The following DDX5 variants were observed in gnomAD, a reference collection of about 807,000 sequenced individuals.
The protein encoded by DDX5 is DEAD-box helicase 5, also known as probable ATP-dependent RNA helicase DDX5.
In DDX5, 6 loss-of-function variants were observed where a neutral mutation model predicts 68.6. The observed-to-expected ratio is 0.09, with a 90% CI of 0.05 to 0.17. The LOEUF (loss-of-function observed/expected upper bound fraction) is 0.17. Ranked by LOEUF, DDX5 falls within the 10% of genes least tolerant of loss-of-function variation. The pLI, the probability that DDX5 is intolerant of heterozygous loss-of-function variation, is 1.00. For missense variants in DDX5, 499 were observed against 756.1 expected, an observed-to-expected ratio of 0.66 and a Z score of 3.99; for synonymous variants, 350 against 247.0, an observed-to-expected ratio of 1.42 and a Z score of -3.91.
rs782615351 is a variant in DDX5, at chr17:64,502,907, CAG to C, written c.983+17_983+18del. On this transcript the variant is annotated intron_variant, in intron 8 of 12. Coordinates refer to ENST00000225792, the MANE Select transcript of DDX5 (RefSeq NM_004396.5). ...CAAAGTTGTTAGGAAGCAAATATAA[CAG>C]AGTTAATAAAACTTACTTTTCATCC... 8.3e-6 allele frequency: 13 copies of C among 1,559,358 alleles called. No homozygotes were observed. Among genetic ancestry groups the C allele is most frequent in the Admixed American group, 5.8e-5 (3 of 51,462 alleles).
Position 64,504,982 on chromosome 17 carries a change from A to C in DDX5, c.45-140T>G, listed in dbSNP as rs542345581. 21 of 667,830 alleles carry C rather than the reference A, an allele frequency of 3.1e-5. No individual in the cohort carries two copies. In the East Asian group the frequency reaches 4.5e-4, roughly 14 times the overall value. The allele number at this position is 667,830 out of a possible 1,614,324, so 41.4% of individuals were successfully genotyped here. The stretch of plus-strand genomic sequence containing the variant: ...AAACCTAGCACTGTCCTTCGTGAAA[A>C]TCTCTCTCTCTCTCAACAGCCACAG... On this transcript the variant is annotated intron_variant, in intron 1 of 12. Transcript: ENST00000225792.
intron 1 of DDX5, 48 bp downstream of exon 1, chr17:64,506,028 T>TCCCCCCCCCCCCCCCC: frequency 3.2e-6 from 2 of 632,800 alleles, no homozygotes; most frequent in Non-Finnish European, 4.4e-6. Context: ...TGACCCGCCC[T>TCCCCCCCCCCCCCCCC]CCCATCCCCC....
chr17:64,506,426 C>T, upstream of DDX5: 1 of 1,373,124 alleles, frequency 7.3e-7, no homozygotes, highest in Non-Finnish European at 9.4e-7. Context: ...TCCAGGATCG[C>T]CGCGCTTTCA....
At position 64,502,678 on chromosome 17, in the gene DDX5, A is replaced by G. The variant is rs2038328812; in HGVS notation, c.984-129T>C. The G allele has an allele frequency of 2.1e-5, 16 of 760,624 alleles. No individual in the cohort carries two copies. The East Asian group carries it at 4.2e-4, about 20-fold the overall frequency. 47.1% of individuals were successfully genotyped at this position (760,624 alleles called of 1,614,324 possible). ...GAAGTCAAAGAGGAAACGCCTGCTA[A>G]TCCACTTATCGAGCAGTTCGACCCT... On this transcript the variant is annotated intron_variant, in intron 8 of 12. Transcript: ENST00000225792.
At chr17:64,502,647 T>C (rs1026440541) in intron 8 of DDX5, 98 bp from the exon 9 acceptor site, 11 of 921,742 alleles carry the variant, frequency 1.2e-5, no homozygotes, top group Admixed American at 2.4e-5. Flanking sequence ...TCAATTTACA[T>C]GGCTGGAAGT....
In DDX5 at chr17:64,506,201, C is replaced by G. The variant is rs559762261; in HGVS notation, c.-82G>C. 1 of 1,568,922 alleles carries G rather than the reference C, an allele frequency of 6.4e-7. No individual in the cohort carries two copies. The highest frequency in any genetic ancestry group is 1.3e-5 in the African/African-American group (1 of 74,216). On this transcript the variant is annotated 5_prime_UTR_variant, in exon 1 of 13. Transcript: ENST00000225792. ...TCGCTGGAAATGGCCTCGATGACGG[C>G]GAAGCCTTGCGGGGGCGGCAGCGGA...
At position 64,500,971 on chromosome 17, in the gene DDX5, A is replaced by G. The variant is rs8075302; in HGVS notation, c.1217-198T>C. The G allele has an allele frequency of 3.6e-3, 2,146 of 592,570 alleles. 26 individuals are homozygous for G. Among genetic ancestry groups the G allele is most frequent in the African/African-American group, 0.032 (1,730 of 53,834 alleles). 36.7% of individuals were successfully genotyped at this position (592,570 alleles called of 1,614,324 possible). A position where few individuals can be genotyped will look rare whatever the true frequency, so the allele number is the denominator to read the frequency against. On this transcript the variant is annotated intron_variant, in intron 11 of 12. Transcript: ENST00000225792. ...AGAAAAAAAAGCACATGTCATCTGT[A>G]TAATTCATCACCCACCCAGTGACAG...
In DDX5 at chr17:64,504,810, G is replaced by A. The variant is rs1459375270; in HGVS notation, c.77C>T (p.Ala26Val). Reference protein sequence around the residue: ...FGAPRFGGSRAGPLSGKKFGN... With the variant: ...FGAPRFGGSRVGPLSGKKFGN... Reference sequence around the variant, plus strand: ...AAACTTCTTTCCAGATAAGGGCCCTGCCCTACTTCCTCCAAATCGAGGTGC... The same window carrying A: ...AAACTTCTTTCCAGATAAGGGCCCTACCCTACTTCCTCCAAATCGAGGTGC... Residue 26 changes from alanine to valine, a missense_variant, in exon 2 of 13, where the codon GCA becomes GTA. Ala to Val is a moderately conservative substitution (Grantham distance 64). This residue lies in a region of DDX5 where 140 missense variants were observed against 135.7 expected (regional missense o/e 1.03). Transcript: ENST00000225792. 5 of 1,604,264 alleles carry A rather than the reference G, an allele frequency of 3.1e-6. No individual in the cohort carries two copies. The highest frequency in any genetic ancestry group is 2.3e-5 in the South Asian group (2 of 88,862).
chr17:64,503,087 T>C lies in DDX5; in HGVS notation c.822A>G (p.Gln274=), dbSNP rs782376871. 7.9e-5 allele frequency: 128 copies of C among 1,613,404 alleles called. No individual in the cohort carries two copies. Among genetic ancestry groups the C allele is most frequent in the Non-Finnish European group, 1.0e-4 (120 of 1,179,684 alleles). ...GCCAAGTCGCACTCCACATTAGAGT[T>C]TGCCTATCAGGCTAATGGATTTTGG... ...KIVDQIRPDR[Q]TLMWSATWPK... is the part of the protein sequence containing the mutation. Residue 274 remains glutamine (Q), a synonymous_variant, in exon 8 of 13, where the codon CAA becomes CAG. Transcript: ENST00000225792.
rs568238185 is a variant in DDX5 at position 64,506,257 on chromosome 17, G to C, written c.-138C>G. On this transcript the variant is annotated 5_prime_UTR_variant, in exon 1 of 13. Coordinates refer to ENST00000225792, the MANE Select transcript of DDX5 (RefSeq NM_004396.5). ...GACACCGATGACACCAGCCGAAGCT[G>C]CACTACTAGAGACCGGTAGAAATGA... 2.3e-5 allele frequency: 36 copies of C among 1,545,788 alleles called. No individual in the cohort carries two copies. The highest frequency in any genetic ancestry group is 2.8e-5 in the Non-Finnish European group (32 of 1,146,408).
Position 64,500,204 on chromosome 17 carries a change from G to A in DDX5, c.1564C>T (p.Leu522Phe), listed in dbSNP as rs1555670777. Reference sequence around the variant, plus strand: ...GTTTTTGCCCCAAAATCTCTTTTAAGCAGGCTAGAGTAACCTCTGTCATAA... The same window carrying A: ...GTTTTTGCCCCAAAATCTCTTTTAAACAGGCTAGAGTAACCTCTGTCATAA... ...ENYDRGYSSL[L>F]KRDFGAKTQN... is the part of the protein sequence containing the mutation. The change falls in exon 13 of 13, where the codon CTT becomes TTT. Residue 522 changes from leucine to phenylalanine, a missense_variant. Transcript: ENST00000225792. 6.2e-7 allele frequency: 1 copy of A among 1,614,142 alleles called. No individual in the cohort carries two copies.
upstream of DDX5, chr17:64,506,293 G>C (rs574974369): frequency 2.0e-6 from 3 of 1,522,850 alleles, no homozygotes; most frequent in Non-Finnish European, 1.8e-6. Flanking sequence ...ATGAGGTGCC[G>C]GCCGCTTTCC....
chr17:64,500,951 A>G (rs2038283569), intron 11 of DDX5, 178 bp from the exon 12 acceptor site: 1 of 604,094 alleles, frequency 1.7e-6, no homozygotes. Context: ...AAAAAAGAAA[A>G]AAAAGCACAT....
At chr17:64,503,143 T>A in intron 7 of DDX5, 45 bp from the exon 8 acceptor site, 9 of 1,612,532 alleles carry the variant, frequency 5.6e-6, no homozygotes, top group Non-Finnish European at 7.6e-6. Flanking sequence ...CTCTTAAGAG[T>A]GAAAACACAA....
At chr17:64,506,477 C>T (rs2038532123), upstream of DDX5, 1 of 1,080,804 alleles carries the variant, frequency 9.3e-7, no homozygotes, top group African/African-American at 1.6e-5. Flanking sequence ...GCCCACCCAC[C>T]ATTGGAATGC....
At position 64,500,537 on chromosome 17, in the gene DDX5, A is replaced by T; in HGVS notation, c.1441+12T>A. ...CTCGTAACTACCAACATTTCCTATCAGTCATCCTTACCTGAACCTCTGTCT... is the reference window on the plus strand; with the variant it reads ...CTCGTAACTACCAACATTTCCTATCTGTCATCCTTACCTGAACCTCTGTCT... On this transcript the variant is annotated intron_variant, in intron 12 of 12. Transcript: ENST00000225792. 2 of 1,608,364 alleles carry T rather than the reference A, an allele frequency of 1.2e-6. No individual in the cohort carries two copies. Among genetic ancestry groups the T allele is most frequent in the Non-Finnish European group, 8.5e-7 (1 of 1,175,832 alleles).
At chr17:64,501,981 C>T in intron 11 of DDX5, 29 bp downstream of exon 11, 2 of 1,608,228 alleles carry the variant, frequency 1.2e-6, no homozygotes, top group East Asian at 2.2e-5. Context: ...TTCTGGGAAA[C>T]CAAGCCATGA....
intron 3 of DDX5, 42 bp from the exon 4 acceptor site, chr17:64,504,158 A>C (rs782143464): frequency 1.9e-6 from 3 of 1,613,222 alleles, no homozygotes; most frequent in Admixed American, 1.7e-5. Context: ...TAGTGATGCC[A>C]AGAAAAAGAG....
At position 64,500,142 on chromosome 17, in the gene DDX5, A is replaced by G. The variant is rs1350504550; in HGVS notation, c.1626T>C (p.Asn542=). ...ACACAAAATTACTTCCAAAGCTCCCATTGGTGTAATTTGCAGCACTGTAAA... is the reference window on the plus strand; with the variant it reads ...ACACAAAATTACTTCCAAAGCTCCCGTTGGTGTAATTTGCAGCACTGTAAA... ...NGVYSAANYT[N]GSFGSNFVSA... Residue 542 remains asparagine (N), a synonymous_variant, in exon 13 of 13, where the codon AAT becomes AAC. Coordinates refer to ENST00000225792, the MANE Select transcript of DDX5 (RefSeq NM_004396.5). 6.8e-6 allele frequency: 11 copies of G among 1,614,086 alleles called. No individual in the cohort carries two copies. The highest frequency in any genetic ancestry group is 4.0e-5 in the African/African-American group (3 of 74,930).
Sources: allele counts gnomAD v4.1 joint callset, GRCh38; gene constraint gnomAD v4.1.1; regional missense constraint gnomAD v4.1.1; transcripts MANE v1.5; gene names NCBI Gene and HGNC (gene_info 2026-07-23, HGNC 2026-07-21).